SDHAF3: variants seen among roughly 807,000 people sequenced by gnomAD.
SDHAF3 encodes the protein succinate dehydrogenase assembly factor 3, mitochondrial.
Under a neutral mutation model 11.5 loss-of-function variants are expected in SDHAF3, and 18 were observed. That is an observed-to-expected ratio of 1.56 (90% CI 1.08 to 2.32). The LOEUF (loss-of-function observed/expected upper bound fraction) is 2.32. Among genes scored for constraint, SDHAF3 ranks in the 30% most tolerant of loss-of-function variants. The pLI is 0.00. For missense variants in SDHAF3, 200 were observed against 154.4 expected (o/e 1.30, Z -1.57); for synonymous variants, 72 against 59.3 (o/e 1.21, Z -0.99).
At chr7:97,119,995 G>A (rs973835424) in intron 1 of SDHAF3, among the ~76,000 whole-genome samples, 4 of 152,226 alleles carry the variant, frequency 2.6e-5, no homozygotes, top group East Asian at 1.9e-4. Context: ...AATAATCCAC[G>A]TGGTGTCTCT....
At chr7:97,142,855 G>A (rs1400643117) in intron 1 of SDHAF3, 2 of 150,526 alleles carry the variant, frequency 1.3e-5, no homozygotes, top group Non-Finnish European at 2.9e-5. Context: ...TCAGGAAGAA[G>A]GAGCAACTTT....
chr7:97,157,895 A>G (rs1012416924), intron 1 of SDHAF3, among the ~76,000 whole-genome samples: 1 of 147,962 alleles, frequency 6.8e-6, no homozygotes, highest in African/African-American at 2.5e-5. Context: ...GTTCTCACTC[A>G]TAGGTGGGAA....
chr7:97,124,858 T>C (rs10275135), intron 1 of SDHAF3, among the ~76,000 whole-genome samples: 61,471 of 152,108 alleles, frequency 0.4, 12,636 homozygotes, highest in East Asian at 0.49. Flanking sequence ...TATCCTGAGA[T>C]TTTGCTGAAG....
intron 1 of SDHAF3, among the ~76,000 whole-genome samples, chr7:97,158,102 G>A (rs536397858): frequency 4.7e-5 from 7 of 148,802 alleles, no homozygotes; most frequent in South Asian, 4.3e-4. Context: ...TAACCTGCAC[G>A]TTGTGCACAG....
rs533315356 is a variant in SDHAF3 at position 97,160,936 on chromosome 7, A to T, written c.175-20076A>T. ...TGTTTCAGTTTCTTTGTCATCTCTT[A>T]AAAAAAAAAAGTACAGATGGTCCCC... On this transcript the variant is annotated intron_variant, in intron 1 of 1. Transcript: ENST00000432641. Among the ~76,000 whole-genome samples the T allele has an allele frequency of 2.1e-4, 31 of 145,836 alleles. No individual in the cohort carries two copies. In the South Asian group the frequency reaches 6.1e-3, roughly 28 times the overall value.
At chr7:97,160,226 G>A (rs6943880) in intron 1 of SDHAF3, among the ~76,000 whole-genome samples, 4,744 of 132,160 alleles carry the variant, frequency 0.036, 193 homozygotes, top group East Asian at 0.2. Context: ...GCCGCCCATC[G>A]TCTGGGAAGT....
chr7:97,179,704 C>T (rs1374268906), intron 1 of SDHAF3, among the ~76,000 whole-genome samples: 1 of 151,612 alleles, frequency 6.6e-6, no homozygotes, highest in African/African-American at 2.4e-5. Context: ...TCTCACTGAC[C>T]CCTCCCCACC....
intron 1 of SDHAF3, among the ~76,000 whole-genome samples, chr7:97,137,832 C>T (rs2115656088): frequency 6.7e-6 from 1 of 148,268 alleles, no homozygotes. Context: ...TCTACCATGT[C>T]ACTTGCCATT....
At chr7:97,164,447 A>G (rs370203732) in intron 1 of SDHAF3, among the ~76,000 whole-genome samples, 13 of 149,904 alleles carry the variant, frequency 8.7e-5, no homozygotes, top group African/African-American at 3.0e-4. Flanking sequence ...CAATGGCGCA[A>G]TCTCGGCTCA....
chr7:97,138,636 A>G (rs1788970941), intron 1 of SDHAF3, among the ~76,000 whole-genome samples: 1 of 152,184 alleles, frequency 6.6e-6, no homozygotes, highest in South Asian at 2.1e-4. Context: ...TAACCATTCT[A>G]AGCCTTGGTT....
chr7:97,135,930 G>A (rs542390348), intron 1 of SDHAF3, among the ~76,000 whole-genome samples: 127 of 151,676 alleles, frequency 8.4e-4, no homozygotes, highest in Non-Finnish European at 1.3e-3. Context: ...CTCGTGATCC[G>A]CCCGCCTCGG....
At chr7:97,165,057 G>A (rs1430166479) in intron 1 of SDHAF3, among the ~76,000 whole-genome samples, 1 of 152,026 alleles carries the variant, frequency 6.6e-6, no homozygotes, top group Non-Finnish European at 1.5e-5. Context: ...GGCTGAGGTG[G>A]GCAGATCACG....
At chr7:97,179,716 C>T (rs1270984457) in intron 1 of SDHAF3, among the ~76,000 whole-genome samples, 3 of 151,660 alleles carry the variant, frequency 2.0e-5, no homozygotes, top group African/African-American at 7.3e-5. Context: ...CTCCCCACCC[C>T]TACCCCCCCT....
At position 97,117,905 on chromosome 7, in the gene SDHAF3, A is replaced by C; in HGVS notation, c.174+8A>C. ...TTCTTGCAAGAATGGGAGGCAAGTGACGCTCCCTTCTCTTTGCCCAAGACC... is the reference window on the plus strand; with the variant it reads ...TTCTTGCAAGAATGGGAGGCAAGTGCCGCTCCCTTCTCTTTGCCCAAGACC... On this transcript the variant is annotated splice_region_variant and intron_variant, in intron 1 of 1. Transcript: ENST00000432641. 1 of 1,613,488 alleles carries C rather than the reference A, an allele frequency of 6.2e-7. No homozygotes were observed. Among genetic ancestry groups the C allele is most frequent in the Non-Finnish European group, 8.5e-7 (1 of 1,179,534 alleles).
chr7:97,137,016 A>G (rs983175259), intron 1 of SDHAF3, among the ~76,000 whole-genome samples: 1 of 151,926 alleles, frequency 6.6e-6, no homozygotes, highest in Non-Finnish European at 1.5e-5. Context: ...AGGGTTTTGT[A>G]TTTTGTTTTG....
At chr7:97,129,573 A>G (rs550560042) in intron 1 of SDHAF3, among the ~76,000 whole-genome samples, 1 of 152,324 alleles carries the variant, frequency 6.6e-6, no homozygotes, top group East Asian at 1.9e-4. Flanking sequence ...CCAGTCTGCC[A>G]TCTTTACTTG....
At chr7:97,143,846 T>C (rs1462519124) in intron 1 of SDHAF3, among the ~76,000 whole-genome samples, 2 of 152,232 alleles carry the variant, frequency 1.3e-5, no homozygotes, top group African/African-American at 4.8e-5. Context: ...TCTGGGTAGA[T>C]ACCCAGTAGT....
At chr7:97,150,648 C>T (rs1789205172) in intron 1 of SDHAF3, among the ~76,000 whole-genome samples, 1 of 148,016 alleles carries the variant, frequency 6.8e-6, no homozygotes, top group Non-Finnish European at 1.5e-5. Context: ...ACTGTAAGCT[C>T]TGCCACCCGG....
chr7:97,167,297 T>C (rs977388250), intron 1 of SDHAF3, among the ~76,000 whole-genome samples: 1 of 152,206 alleles, frequency 6.6e-6, no homozygotes, highest in African/African-American at 2.4e-5. Flanking sequence ...TCTCTCCTGC[T>C]GCTATGTGAA....
Sources: gnomAD v4.1 joint callset for allele counts (sites outside exome capture counted in the v4.1 genomes callset) on GRCh38, gnomAD v4.1.1 for gene constraint, MANE v1.5 for transcripts, NCBI Gene and HGNC (gene_info 2026-07-23, HGNC 2026-07-21) for gene names.